The following SLC22A14 variants were observed in gnomAD, a reference collection of about 807,000 sequenced individuals.
SLC22A14 encodes the protein organic cation transporter-like 4.
A neutral mutation model predicts 53.9 loss-of-function variants in SLC22A14; 50 were observed. The ratio of observed to expected loss-of-function variants is 0.93; its 90% CI spans 0.74 to 1.17. The LOEUF (loss-of-function observed/expected upper bound fraction) is 1.17, where lower values mean the gene tolerates loss of function less well. SLC22A14 is among the 50% of genes most tolerant of loss of function. SLC22A14 has a pLI of 0.00. For missense variants in SLC22A14, 671 were observed against 734.7 expected (o/e 0.91, Z 1.00); for synonymous variants, 312 against 303.0 (o/e 1.03, Z -0.31).
chr3:38,302,299 C>CAAATATATATTTATATATAT (rs1261929226), intron 1 of SLC22A14, among the ~76,000 whole-genome samples: 1 of 48,664 alleles, frequency 2.1e-5, no homozygotes, highest in Non-Finnish European at 5.4e-5. Flanking sequence ...TTTATATATA[C>CAAATATATATTTATATATAT]ACATATATAT....
At chr3:38,281,292 T>C (rs1200174078), upstream of SLC22A14, among the ~76,000 whole-genome samples, 2 of 152,216 alleles carry the variant, frequency 1.3e-5, no homozygotes, top group Non-Finnish European at 2.9e-5. Context: ...TTTTCAAATA[T>C]ATGAAATTCT....
chr3:38,290,321 A>G (rs780899691), intron 1 of SLC22A14, among the ~76,000 whole-genome samples: 2 of 152,232 alleles, frequency 1.3e-5, no homozygotes, highest in Non-Finnish European at 1.5e-5. Context: ...TGTCATCAAC[A>G]TTGGAGCGTG....
At chr3:38,279,057 CCTT>C (rs1050847383), upstream of SLC22A14, among the ~76,000 whole-genome samples, 3 of 152,180 alleles carry the variant, frequency 2.0e-5, no homozygotes, top group Non-Finnish European at 4.4e-5. Flanking sequence ...AGCTTGCTCA[CCTT>C]CTCCTGCATG....
At chr3:38,302,856 G>GA (rs537799536) in intron 1 of SLC22A14, among the ~76,000 whole-genome samples, 31 of 151,762 alleles carry the variant, frequency 2.0e-4, no homozygotes, top group Admixed American at 1.6e-3. Context: ...CCTATTCCCT[G>GA]AAAAAAAATT....
At position 38,304,847 on chromosome 3, in the gene SLC22A14, G is replaced by T. The variant is rs186410544; in HGVS notation, c.1-1180G>T. Among the ~76,000 whole-genome samples, 309 of 152,260 alleles carry T rather than the reference G, an allele frequency of 2.0e-3. 3 individuals are homozygous for T. Among genetic ancestry groups the T allele is most frequent in the Admixed American group, 3.8e-3 (58 of 15,290 alleles). ...ATTTGTTTTAAAAGTTTTAGAAAAC[G>T]TATTGTTTTTATTTCGTCTCCATTT... On this transcript the variant is annotated intron_variant, in intron 1 of 10. Coordinates refer to ENST00000448498, the MANE Select transcript of SLC22A14 (RefSeq NM_001320033.2).
chr3:38,295,817 T>C (rs552466284), intron 1 of SLC22A14, among the ~76,000 whole-genome samples: 2 of 152,174 alleles, frequency 1.3e-5, no homozygotes, highest in South Asian at 2.1e-4. Flanking sequence ...TCTCTCTCTC[T>C]CTCTCTTTCT....
rs140736450 is a variant in SLC22A14, at chr3:38,312,444, A to G, written c.945-555A>G. ...ACAGAGAGGAGTTATTCTGAAGTCA[A>G]AGGCAATAGAGATGTGGCGGGGGAG... On this transcript the variant is annotated intron_variant, in intron 5 of 10. Transcript: ENST00000448498. Among the ~76,000 whole-genome samples the G allele has an allele frequency of 3.2e-4, 49 of 152,340 alleles. 1 individual carries two copies. The East Asian group carries it at 8.9e-3, about 28-fold the overall frequency.
In SLC22A14 at chr3:38,306,502, G is replaced by A; in HGVS notation, c.476G>A (p.Trp159Ter). The A allele has an allele frequency of 1.2e-6, 2 of 1,614,102 alleles. No homozygotes were observed. Among genetic ancestry groups the A allele is most frequent in the East Asian group, 2.2e-5 (1 of 44,882 alleles). Residue 159 changes from tryptophan (W) to a stop codon, truncating the protein, a stop_gained, in exon 2 of 11, where the codon TGG becomes TAG. Coordinates refer to ENST00000448498, the MANE Select transcript of SLC22A14 (RefSeq NM_001320033.2). LOFTEE classifies it high-confidence loss of function. ...LNDTDTCQDG[W>*]IYPDAKKRSL... ...GACACAGACACATGCCAAGATGGGT[G>A]GATCTATCCTGACGCTAAGAAGCGA...
chr3:38,308,202 A>C (rs1217649009), intron 4 of SLC22A14: 2 of 159,980 alleles, frequency 1.3e-5, no homozygotes, highest in Non-Finnish European at 2.7e-5. Flanking sequence ...AGGAAAGAAA[A>C]AGAAAGAAGG....
intron 1 of SLC22A14, among the ~76,000 whole-genome samples, chr3:38,294,554 T>C (rs1362263470): frequency 6.6e-6 from 1 of 151,988 alleles, no homozygotes; most frequent in African/African-American, 2.4e-5. Context: ...ATGCTTCCCA[T>C]CAGAAAAAAG....
intron 1 of SLC22A14, chr3:38,305,257 C>T (rs1017279841): frequency 5.9e-5 from 9 of 152,232 alleles, no homozygotes. Flanking sequence ...CTTGCCTTCT[C>T]AAGCTATAAT....
At chr3:38,316,591 C>T (rs1260744699) in intron 10 of SLC22A14, 67 bp downstream of exon 10, 5 of 1,410,660 alleles carry the variant, frequency 3.5e-6, no homozygotes, top group African/African-American at 2.8e-5. Flanking sequence ...GCACAGAGAG[C>T]GTGCGGGACA....
intron 1 of SLC22A14, among the ~76,000 whole-genome samples, chr3:38,301,462 AC>A (rs1704157793): frequency 1.3e-5 from 2 of 152,344 alleles, no homozygotes; most frequent in Admixed American, 6.5e-5. Context: ...TGAATGGCAT[AC>A]TTTTACAAGT....
upstream of SLC22A14, among the ~76,000 whole-genome samples, chr3:38,281,495 G>C (rs1359515255): frequency 6.6e-6 from 1 of 152,168 alleles, no homozygotes; most frequent in East Asian, 1.9e-4. Context: ...AGTCTCCCAA[G>C]GGGGCACAGG....
chr3:38,312,773 G>A (rs577395096), intron 5 of SLC22A14, among the ~76,000 whole-genome samples: 8 of 152,266 alleles, frequency 5.3e-5, no homozygotes, highest in African/African-American at 1.4e-4. Flanking sequence ...CGGTGGTCAG[G>A]GTGTTACCTA....
chr3:38,286,732 T>G (rs533434611), intron 1 of SLC22A14, among the ~76,000 whole-genome samples: 34 of 150,190 alleles, frequency 2.3e-4, no homozygotes, highest in African/African-American at 3.9e-4. Flanking sequence ...TGGGTTTTTT[T>G]TTTGTTTGTT....
intron 1 of SLC22A14, among the ~76,000 whole-genome samples, chr3:38,298,423 CATCTATCTATCT>C (rs60379934): frequency 0.016 from 2,281 of 146,476 alleles, 23 homozygotes; most frequent in Admixed American, 0.015. Context: ...CTTGCACACA[CATCTATCTATCT>C]ATCTATCTAT....
At chr3:38,306,852 C>A (rs951372464) in intron 2 of SLC22A14, among the ~76,000 whole-genome samples, 6 of 152,344 alleles carry the variant, frequency 3.9e-5, no homozygotes, top group Middle Eastern at 3.4e-3. Flanking sequence ...GGGAAAGAAG[C>A]AGCTTTGATC....
At chr3:38,296,050 A>C (rs2125877764) in intron 1 of SLC22A14, among the ~76,000 whole-genome samples, 1 of 152,320 alleles carries the variant, frequency 6.6e-6, no homozygotes, top group East Asian at 1.9e-4. Flanking sequence ...AGTCTGAACC[A>C]TTAGTACCTA....
Sources: allele counts gnomAD v4.1 joint callset (sites outside exome capture counted in the v4.1 genomes callset), GRCh38; gene constraint gnomAD v4.1.1; transcripts MANE v1.5; gene names NCBI Gene and HGNC (gene_info 2026-07-23, HGNC 2026-07-21).